Variants in ARHGAP26 observed in about 807,000 individuals in gnomAD.
The protein encoded by ARHGAP26 is Rho GTPase activating protein 26.
ARHGAP26 carries 38 observed loss-of-function variants against 104.8 expected under a neutral mutation model. That is an observed-to-expected ratio of 0.36 (90% confidence interval 0.28 to 0.48). The LOEUF (loss-of-function observed/expected upper bound fraction) is 0.48, where lower values mean the gene tolerates loss of function less well. ARHGAP26 is among the 20% of genes least tolerant of loss of function. The probability of loss-of-function intolerance (pLI) is 0.99; values close to 1 mark genes in which losing one functional copy is unlikely to be tolerated. For missense variants in ARHGAP26, 704 were observed against 947.9 expected (o/e 0.74, Z 3.38); for synonymous variants, 341 against 340.0 (o/e 1.00, Z -0.03).
At chr5:143,206,107 G>C (rs1198590030) in intron 20 of ARHGAP26, among the ~76,000 whole-genome samples, 2 of 152,218 alleles carry the variant, frequency 1.3e-5, no homozygotes, top group Non-Finnish European at 2.9e-5. Context: ...GGAAGTCCCA[G>C]TAAGTAGGAC....
intron 10 of ARHGAP26, among the ~76,000 whole-genome samples, chr5:142,917,789 C>G (rs980386860): frequency 6.6e-6 from 1 of 152,094 alleles, no homozygotes; most frequent in Non-Finnish European, 1.5e-5. Flanking sequence ...CACCTCAGCT[C>G]TCGAGTAGTT....
chr5:142,773,598 T>A (rs1009666231), intron 1 of ARHGAP26, among the ~76,000 whole-genome samples: 1 of 152,202 alleles, frequency 6.6e-6, no homozygotes, highest in African/African-American at 2.4e-5. Context: ...TTGCCAGTTG[T>A]TTTTTAGACT....
At chr5:142,814,749 AT>A (rs1764765733) in intron 1 of ARHGAP26, among the ~76,000 whole-genome samples, 1 of 152,184 alleles carries the variant, frequency 6.6e-6, no homozygotes, top group African/African-American at 2.4e-5. Context: ...CCTTGAGCCA[AT>A]TATTTAACCT....
At chr5:143,182,904 C>G (rs1370071486) in intron 20 of ARHGAP26, among the ~76,000 whole-genome samples, 1 of 151,972 alleles carries the variant, frequency 6.6e-6, no homozygotes, top group Non-Finnish European at 1.5e-5. Context: ...CCTCCTAATC[C>G]TGTGTGACAT....
intron 20 of ARHGAP26, among the ~76,000 whole-genome samples, chr5:143,185,251 A>G (rs1480168197): frequency 1.3e-5 from 2 of 152,206 alleles, no homozygotes; most frequent in African/African-American, 4.8e-5. Context: ...ACATATATAC[A>G]CAAAGAAAGG....
chr5:142,844,633 G>A (rs1206402848), intron 1 of ARHGAP26, among the ~76,000 whole-genome samples: 1 of 150,144 alleles, frequency 6.7e-6, no homozygotes, highest in East Asian at 2.0e-4. Flanking sequence ...GGGAGGCCAA[G>A]GCGGTGGATC....
chr5:142,951,794 G>A (rs1562142372), intron 11 of ARHGAP26, among the ~76,000 whole-genome samples: 4 of 152,206 alleles, frequency 2.6e-5, no homozygotes, highest in South Asian at 2.1e-4. Context: ...AACAGACCAC[G>A]AGCGGAATAC....
intron 1 of ARHGAP26, among the ~76,000 whole-genome samples, chr5:142,857,542 C>T (rs1010725289): frequency 6.6e-6 from 1 of 152,108 alleles, no homozygotes; most frequent in East Asian, 1.9e-4. Context: ...GTCCCTCCTG[C>T]AGCAAGGGAA....
At position 143,049,700 on chromosome 5, in the gene ARHGAP26, A is replaced by G. The variant is rs1312097617; in HGVS notation, c.1286-4739A>G. ...TGATTCCTGTTAGAATCATTATCTT[A>G]CCTGATGATTGGAGGGGTATTGTAC... On this transcript the variant is annotated intron_variant, in intron 14 of 22. Coordinates refer to ENST00000645722, the MANE Select transcript of ARHGAP26 (RefSeq NM_001135608.3). Among the ~76,000 whole-genome samples the G allele has an allele frequency of 2.0e-5, 3 of 152,082 alleles. No homozygotes were observed. In the East Asian group the frequency reaches 5.8e-4, roughly 29 times the overall value.
At chr5:143,178,484 C>T (rs932386976) in intron 20 of ARHGAP26, among the ~76,000 whole-genome samples, 11 of 152,210 alleles carry the variant, frequency 7.2e-5, no homozygotes, top group African/African-American at 2.4e-4. Flanking sequence ...GGATTTGCTT[C>T]CCCTACCTAC....
At chr5:142,877,586 G>A (rs760086973) in intron 3 of ARHGAP26, among the ~76,000 whole-genome samples, 7 of 152,304 alleles carry the variant, frequency 4.6e-5, no homozygotes, top group African/African-American at 7.2e-5. Context: ...GTCTTATTAA[G>A]GCTGATAGCA....
At chr5:142,791,201 T>G (rs1759734944) in intron 1 of ARHGAP26, among the ~76,000 whole-genome samples, 1 of 151,878 alleles carries the variant, frequency 6.6e-6, no homozygotes, top group Admixed American at 6.6e-5. Context: ...GCCTCAGCCT[T>G]TTGTCTTGGA....
At chr5:142,803,092 T>A (rs1762370467) in intron 1 of ARHGAP26, among the ~76,000 whole-genome samples, 1 of 152,192 alleles carries the variant, frequency 6.6e-6, no homozygotes, top group South Asian at 2.1e-4. Context: ...CTGCATAGTT[T>A]CTTCTGGTGA....
chr5:143,201,716 T>TA (rs1807757728), intron 20 of ARHGAP26, among the ~76,000 whole-genome samples: 1 of 152,214 alleles, frequency 6.6e-6, no homozygotes, highest in African/African-American at 2.4e-5. Flanking sequence ...CATACACCCT[T>TA]AGTTTTGCAT....
At chr5:143,168,522 C>T (rs1366706636) in intron 20 of ARHGAP26, 5 of 120,052 alleles carry the variant, frequency 4.2e-5, no homozygotes, top group Middle Eastern at 7.7e-3. Context: ...TTCTGAGTGT[C>T]ACACAAGATC....
chr5:143,080,293 C>T (rs762626685), intron 17 of ARHGAP26, among the ~76,000 whole-genome samples: 19 of 152,100 alleles, frequency 1.2e-4, no homozygotes, highest in Non-Finnish European at 2.9e-5. Flanking sequence ...TCATTGAGTA[C>T]CTACTCCGGA....
Position 143,013,948 on chromosome 5 carries a change from G to A in ARHGAP26, c.1108-132G>A, listed in dbSNP as rs78795545. 7,587 of 816,932 alleles carry A rather than the reference G, an allele frequency of 9.3e-3. 94 individuals carry two copies. The highest frequency in any genetic ancestry group is 0.047 in the African/African-American group (2,798 of 58,994). The allele number at this position is 816,932 out of a possible 1,614,324, so 50.6% of individuals were successfully genotyped here. A position where few individuals can be genotyped will look rare whatever the true frequency, so the allele number is the denominator to read the frequency against. On this transcript the variant is annotated intron_variant, in intron 11 of 22. Coordinates refer to ENST00000645722, the MANE Select transcript of ARHGAP26 (RefSeq NM_001135608.3). ...GTAGATAATTATTGAATGGGTTCAT[G>A]TTTGGGAGCCAGAAATTACCTTCCA... is the stretch of plus-strand genomic sequence containing the variant.
chr5:142,811,214 C>G (rs1029134614), intron 1 of ARHGAP26, among the ~76,000 whole-genome samples: 1 of 152,078 alleles, frequency 6.6e-6, no homozygotes, highest in African/African-American at 2.4e-5. Context: ...CAATGCCTGG[C>G]CTTCCACTTT....
intron 11 of ARHGAP26, among the ~76,000 whole-genome samples, chr5:142,937,615 T>C (rs1462401916): frequency 6.6e-6 from 1 of 152,218 alleles, no homozygotes; most frequent in East Asian, 1.9e-4. Context: ...GCAGCTTTAT[T>C]CATAATAGCT....
Sources: allele counts gnomAD v4.1 joint callset (sites outside exome capture counted in the v4.1 genomes callset), GRCh38; gene constraint gnomAD v4.1.1; transcripts MANE v1.5; gene names NCBI Gene and HGNC (gene_info 2026-07-23, HGNC 2026-07-21).